Variants in TULP4 observed in about 807,000 individuals in gnomAD.
TULP4 encodes tubby-related protein 4.
Under a neutral mutation model 129.0 loss-of-function variants are expected in TULP4, and 16 were observed. The ratio of observed to expected loss-of-function variants is 0.12; its 90% confidence interval spans 0.08 to 0.19. The LOEUF is 0.19. TULP4 is among the 10% of genes least tolerant of loss of function. The pLI is 1.00. For missense variants in TULP4, 1,842 were observed against 2,059.1 expected (o/e 0.89, Z 2.04); for synonymous variants, 998 against 854.0 (o/e 1.17, Z -2.94).
Position 158,358,520 on chromosome 6 carries a change from A to G in TULP4, c.252+44252A>G, listed in dbSNP as rs146364725. Among the ~76,000 whole-genome samples the G allele has an allele frequency of 2.4e-3, 363 of 152,356 alleles. 1 individual carries two copies. The highest frequency in any genetic ancestry group is 7.5e-3 in the African/African-American group (312 of 41,582). Reference sequence around the variant, plus strand: ...AGCCCTTGAGGGTGAAGTATTTCTCAGTGTCACTGTGCATAACAGAGATAT... The same window carrying G: ...AGCCCTTGAGGGTGAAGTATTTCTCGGTGTCACTGTGCATAACAGAGATAT... On this transcript the variant is annotated intron_variant, in intron 1 of 13. Coordinates refer to ENST00000367097, the MANE Select transcript of TULP4 (RefSeq NM_020245.5).
chr6:158,393,802 G>T (rs1777645598), intron 1 of TULP4, among the ~76,000 whole-genome samples: 1 of 152,204 alleles, frequency 6.6e-6, no homozygotes, highest in Non-Finnish European at 1.5e-5. Flanking sequence ...AGGACGGGCT[G>T]CAGGGAAAAT....
At chr6:158,479,610 C>CT (rs1484495366) in intron 6 of TULP4, 141 bp from the exon 7 acceptor site, 34 of 764,890 alleles carry the variant, frequency 4.4e-5, no homozygotes, top group Non-Finnish European at 6.8e-5. Context: ...AATATAGTGT[C>CT]TAACATTCTC....
chr6:158,331,091 GT>G (rs549961621), intron 1 of TULP4, among the ~76,000 whole-genome samples: 7 of 151,908 alleles, frequency 4.6e-5, no homozygotes, highest in South Asian at 4.1e-4. Context: ...GTTGTTATTG[GT>G]TTTTTTCCCC....
At chr6:158,429,984 C>G (rs1778592498) in intron 3 of TULP4, 87 bp downstream of exon 3, 1 of 1,261,292 alleles carries the variant, frequency 7.9e-7, no homozygotes, top group African/African-American at 1.5e-5. Flanking sequence ...GGAGCTGGTG[C>G]AAAAGCCTCT....
Position 158,493,568 on chromosome 6 carries a change from C to T in TULP4, c.1632-5C>T. 1.3e-6 allele frequency: 2 copies of T among 1,500,620 alleles called. No homozygotes were observed. The highest frequency in any genetic ancestry group is 1.8e-6 in the Non-Finnish European group (2 of 1,123,974). The allele number at this position is 1,500,620 out of a possible 1,614,324, so 93.0% of individuals were successfully genotyped here. ...GCCTGACCCCTCCTGGCCTTGCCTC[C>T]CCAGGATCAGCATTGAGGCCCGCAA... On this transcript the variant is annotated splice_polypyrimidine_tract_variant and splice_region_variant and intron_variant, in intron 9 of 13. Coordinates refer to ENST00000367097, the MANE Select transcript of TULP4 (RefSeq NM_020245.5). The surrounding 1 kb of genome is among the most constrained non-coding windows in gnomAD (Gnocchi z 4.4).
intron 6 of TULP4, among the ~76,000 whole-genome samples, chr6:158,462,385 C>T (rs77040438): frequency 1.5e-5 from 2 of 134,568 alleles, no homozygotes. Flanking sequence ...TTTTTTCTTT[C>T]TTTTTTTTTT....
At chr6:158,259,177 C>A (rs1342746552) in intron 1 of TULP4, among the ~76,000 whole-genome samples, 1 of 152,204 alleles carries the variant, frequency 6.6e-6, no homozygotes, top group Non-Finnish European at 1.5e-5. Flanking sequence ...TTGCAGTGAG[C>A]CGAGGTTGCG....
At chr6:158,273,421 A>G (rs938930600) in intron 1 of TULP4, among the ~76,000 whole-genome samples, 1 of 152,092 alleles carries the variant, frequency 6.6e-6, no homozygotes, top group African/African-American at 2.4e-5. Context: ...TGGGCTTAGT[A>G]TGTTCTGTAG....
At chr6:158,386,309 A>C (rs1251605628) in intron 1 of TULP4, among the ~76,000 whole-genome samples, 1 of 151,650 alleles carries the variant, frequency 6.6e-6, no homozygotes, top group Non-Finnish European at 1.5e-5. Flanking sequence ...TAGAATAATA[A>C]ATTTGAAATT....
At chr6:158,280,852 C>T (rs575649372), upstream of TULP4, among the ~76,000 whole-genome samples, 8 of 152,028 alleles carry the variant, frequency 5.3e-5, no homozygotes, top group African/African-American at 1.7e-4. Context: ...CTGGGATGTT[C>T]GGCACTCAAG....
At chr6:158,422,312 G>C (rs1324851417) in intron 2 of TULP4, among the ~76,000 whole-genome samples, 7 of 152,158 alleles carry the variant, frequency 4.6e-5, no homozygotes, top group Non-Finnish European at 7.3e-5. Context: ...AGATTACAAG[G>C]TAACCAAACG....
At chr6:158,237,243 G>A (rs2128441821) in intron 1 of TULP4, 1 of 838,670 alleles carries the variant, frequency 1.2e-6, no homozygotes, top group East Asian at 2.6e-5. Flanking sequence ...GATGAAGAGG[G>A]AGCAGTTCTG....
rs139449348 is a variant in TULP4, at chr6:158,500,629, C to T, written c.2015-1049C>T. On this transcript the variant is annotated intron_variant, in intron 12 of 13. Coordinates refer to ENST00000367097, the MANE Select transcript of TULP4 (RefSeq NM_020245.5). ...AGTGGGCACTTTAAACAGGGTGGTG[C>T]AGACAGTGGCTCTGAGCACCTGTCT... 1.0e-2 allele frequency among the ~76,000 whole-genome samples: 1,520 copies of T among 152,328 alleles called. 28 individuals carry two copies. Among genetic ancestry groups the T allele is most frequent in the African/African-American group, 0.034 (1,394 of 41,578 alleles).
intron 1 of TULP4, among the ~76,000 whole-genome samples, chr6:158,315,953 T>C (rs1289153717): frequency 5.9e-5 from 9 of 152,238 alleles, no homozygotes; most frequent in Admixed American, 2.0e-4. Flanking sequence ...CATTGAATTT[T>C]GTGGGGATGG....
intron 3 of TULP4, among the ~76,000 whole-genome samples, chr6:158,442,916 C>G (rs1048079393): frequency 1.3e-5 from 2 of 151,812 alleles, no homozygotes; most frequent in African/African-American, 4.8e-5. Context: ...TGGGCTCAAG[C>G]AATTCTTCTG....
At chr6:158,237,953 G>A in intron 1 of TULP4, 8 of 724,796 alleles carry the variant, frequency 1.1e-5, no homozygotes, top group Admixed American at 1.8e-5. Flanking sequence ...GCCTCCTCCC[G>A]CCCATATTTG....
chr6:158,312,772 A>G lies in TULP4; in HGVS notation c.-1245A>G, dbSNP rs1047451561. ...TAAATATCAAGGAAAATCCAAGCAA[A>G]GCTTTCTTTTTGTTGGACTAGTGGT... On this transcript the variant is annotated 5_prime_UTR_variant, in exon 1 of 14. Transcript: ENST00000367097. The G allele has an allele frequency of 5.9e-5, 9 of 152,212 alleles. No homozygotes were observed. The highest frequency in any genetic ancestry group is 2.2e-4 in the African/African-American group (9 of 41,448). The allele number at this position is 152,212 out of a possible 1,614,324, so 9.4% of individuals were successfully genotyped here. A position where few individuals can be genotyped will look rare whatever the true frequency, so the allele number is the denominator to read the frequency against.
chr6:158,404,345 A>G (rs887377974), intron 1 of TULP4, among the ~76,000 whole-genome samples: 3 of 152,202 alleles, frequency 2.0e-5, no homozygotes, highest in Non-Finnish European at 4.4e-5. Flanking sequence ...TTAGGTTTGA[A>G]GTGTTCCATG....
intron 1 of TULP4, chr6:158,238,065 A>T (rs1250589000): frequency 4.1e-5 from 29 of 702,926 alleles, no homozygotes. Context: ...CATCAGTGGT[A>T]CTATTAAATC....
Sources: allele counts gnomAD v4.1 joint callset (sites outside exome capture counted in the v4.1 genomes callset), GRCh38; gene constraint gnomAD v4.1.1; non-coding constraint Gnocchi (gnomAD v3.1); transcripts MANE v1.5; gene names NCBI Gene and HGNC (gene_info 2026-07-23, HGNC 2026-07-21).